Variants in CYYR1 observed in about 807,000 individuals in gnomAD.
CYYR1 encodes cysteine and tyrosine-rich protein 1.
In CYYR1, 14 loss-of-function variants were observed where a neutral mutation model predicts 15.2. That is an observed-to-expected ratio of 0.92 (90% CI 0.61 to 1.44). The LOEUF is 1.44. Among genes scored for constraint, CYYR1 ranks in the 40% most tolerant of loss-of-function variants. The pLI, the probability that CYYR1 is intolerant of heterozygous loss-of-function variation, is 0.00. For missense variants in CYYR1, 228 were observed against 209.5 expected (o/e 1.09, Z -0.54); for synonymous variants, 80 against 77.4 (o/e 1.03, Z -0.18).
At chr21:26,569,941 C>T (rs772137917) in intron 1 of CYYR1, among the ~76,000 whole-genome samples, 2 of 152,190 alleles carry the variant, frequency 1.3e-5, no homozygotes, top group Non-Finnish European at 2.9e-5. Context: ...GTTTTTATGG[C>T]ATTTTCCAGT....
At chr21:26,545,032 A>G (rs1978860365) in intron 2 of CYYR1, among the ~76,000 whole-genome samples, 1 of 152,178 alleles carries the variant, frequency 6.6e-6, no homozygotes, top group African/African-American at 2.4e-5. Flanking sequence ...TCAACTCCCA[A>G]ATCATTTCAG....
intron 2 of CYYR1, among the ~76,000 whole-genome samples, chr21:26,561,035 TTA>T (rs1275381598): frequency 2.0e-5 from 3 of 151,964 alleles, no homozygotes; most frequent in African/African-American, 7.3e-5. Flanking sequence ...GAGAAAAGTT[TTA>T]GTTATCTACA....
intron 2 of CYYR1, among the ~76,000 whole-genome samples, chr21:26,490,567 T>C (rs950481229): frequency 2.0e-5 from 3 of 152,154 alleles, no homozygotes; most frequent in African/African-American, 7.2e-5. Context: ...CTAGAGAGAA[T>C]AGTAGTAATT....
At chr21:26,490,685 G>A (rs1692314835) in intron 2 of CYYR1, among the ~76,000 whole-genome samples, 1 of 152,136 alleles carries the variant, frequency 6.6e-6, no homozygotes, top group Non-Finnish European at 1.5e-5. Flanking sequence ...CCAAATATGT[G>A]AGGACCTAAA....
At chr21:26,492,394 G>C (rs899798916) in intron 2 of CYYR1, among the ~76,000 whole-genome samples, 4 of 152,206 alleles carry the variant, frequency 2.6e-5, no homozygotes, top group African/African-American at 9.6e-5. Context: ...TAACCACTGA[G>C]AAAGACATGA....
At chr21:26,552,788 C>T (rs1251321405) in intron 2 of CYYR1, among the ~76,000 whole-genome samples, 1 of 152,092 alleles carries the variant, frequency 6.6e-6, no homozygotes, top group Non-Finnish European at 1.5e-5. Context: ...CCTTTCCCCT[C>T]CTGTGCTAGT....
chr21:26,572,327 T>C (rs1981057730), intron 1 of CYYR1, among the ~76,000 whole-genome samples: 1 of 152,200 alleles, frequency 6.6e-6, no homozygotes, highest in Admixed American at 6.5e-5. Context: ...GCCCTTCTCT[T>C]ATAAACAAGT....
chr21:26,527,219 CT>C (rs2065878593), intron 2 of CYYR1, among the ~76,000 whole-genome samples: 2 of 152,182 alleles, frequency 1.3e-5, no homozygotes, highest in Admixed American at 1.3e-4. Flanking sequence ...CAGTTTCCCT[CT>C]TGCTTTCTCC....
chr21:26,572,833 G>A, intron 1 of CYYR1, 35 bp downstream of exon 1: 8 of 1,611,032 alleles, frequency 5.0e-6, no homozygotes, highest in African/African-American at 1.3e-5. Context: ...GCAGCCCCGA[G>A]CCTCTGACCC....
chr21:26,543,032 T>C (rs1427448390), intron 2 of CYYR1, among the ~76,000 whole-genome samples: 2 of 152,208 alleles, frequency 1.3e-5, no homozygotes, highest in African/African-American at 2.4e-5. Flanking sequence ...TATAAAAAGA[T>C]TCAAGTTAAA....
In CYYR1 at chr21:26,494,965, T is replaced by C. The variant is rs553305661; in HGVS notation, c.177-14536A>G. On this transcript the variant is annotated intron_variant, in intron 2 of 3. Transcript: ENST00000652641. ...TTCTTACACCACAACTTTGTTTCTT[T>C]TCTATGTCCCAGAAGTCAGAGAAAC... Among the ~76,000 whole-genome samples the C allele has an allele frequency of 6.6e-5, 10 of 152,268 alleles. No individual in the cohort carries two copies. In the South Asian group the frequency reaches 1.9e-3, roughly 28 times the overall value.
At chr21:26,553,208 C>T (rs1979520048) in intron 2 of CYYR1, among the ~76,000 whole-genome samples, 1 of 152,094 alleles carries the variant, frequency 6.6e-6, no homozygotes, top group South Asian at 2.1e-4. Flanking sequence ...AAAATGAAGT[C>T]ATTCAAATCA....
intron 2 of CYYR1, among the ~76,000 whole-genome samples, chr21:26,484,552 C>A (rs2123416713): frequency 6.6e-6 from 1 of 152,050 alleles, no homozygotes; most frequent in South Asian, 2.1e-4. Context: ...AAAAAAAGAT[C>A]TATGAAAGGA....
intron 2 of CYYR1, among the ~76,000 whole-genome samples, chr21:26,513,766 A>C (rs1458303112): frequency 6.6e-6 from 1 of 152,016 alleles, no homozygotes. Flanking sequence ...ACTGGGGCAA[A>C]AGTCCAAAGA....
intron 2 of CYYR1, among the ~76,000 whole-genome samples, chr21:26,517,613 T>TG (rs1483416213): frequency 6.6e-6 from 1 of 152,180 alleles, no homozygotes; most frequent in African/African-American, 2.4e-5. Flanking sequence ...TGGAGTGCAG[T>TG]GGCATGGTCT....
intron 2 of CYYR1, among the ~76,000 whole-genome samples, chr21:26,507,424 A>C (rs1285977502): frequency 1.3e-5 from 2 of 152,208 alleles, no homozygotes; most frequent in Admixed American, 6.5e-5. Context: ...TCATTATTCT[A>C]TTATTAATTT....
intron 2 of CYYR1, among the ~76,000 whole-genome samples, chr21:26,503,171 C>T (rs1231618677): frequency 1.3e-5 from 2 of 152,070 alleles, no homozygotes; most frequent in Non-Finnish European, 2.9e-5. Flanking sequence ...ATTTTAACAC[C>T]ACTAAAAGCA....
intron 2 of CYYR1, among the ~76,000 whole-genome samples, chr21:26,549,806 C>T (rs547560136): frequency 4.3e-4 from 66 of 152,174 alleles, no homozygotes; most frequent in East Asian, 3.3e-3. Context: ...TCCACTGACA[C>T]GCCTCATAAA....
chr21:26,496,004 G>T (rs2123460106), intron 2 of CYYR1, among the ~76,000 whole-genome samples: 1 of 152,280 alleles, frequency 6.6e-6, no homozygotes, highest in South Asian at 2.1e-4. Context: ...TAAAGAATTT[G>T]AGGGCCAAAC....
Sources: allele counts gnomAD v4.1 joint callset (sites outside exome capture counted in the v4.1 genomes callset), GRCh38; gene constraint gnomAD v4.1.1; transcripts MANE v1.5; gene names NCBI Gene and HGNC (gene_info 2026-07-23, HGNC 2026-07-21).